Variants in LAMTOR5 observed in about 807,000 individuals in gnomAD.
LAMTOR5 encodes late endosomal/lysosomal adaptor, MAPK and MTOR activator 5.
In LAMTOR5, 8 loss-of-function variants were observed where a neutral mutation model predicts 12.1. That is an observed-to-expected ratio of 0.66 (90% confidence interval 0.39 to 1.19). The LOEUF is 1.19. LAMTOR5 is among the 50% of genes most tolerant of loss of function. The pLI, the probability that LAMTOR5 is intolerant of heterozygous loss-of-function variation, is 0.01. For missense variants in LAMTOR5, 110 were observed against 112.8 expected (o/e 0.97, Z 0.11); for synonymous variants, 37 against 41.9 (o/e 0.88, Z 0.45).
chr1:110,404,159 T>A, intron 2 of LAMTOR5, 123 bp from the exon 3 acceptor site: 1 of 1,361,326 alleles, frequency 7.3e-7, no homozygotes, highest in Non-Finnish European at 9.6e-7. Context: ...TATTAGTCTG[T>A]ATATATTATA....
At chr1:110,404,771 G>A (rs1303492102) in intron 2 of LAMTOR5, among the ~76,000 whole-genome samples, 3 of 152,098 alleles carry the variant, frequency 2.0e-5, no homozygotes, top group Admixed American at 1.3e-4. Flanking sequence ...TGATTAGGCC[G>A]GGTGTAGTGG....
chr1:110,403,156 C>A (rs751180496), intron 3 of LAMTOR5, among the ~76,000 whole-genome samples: 7 of 152,190 alleles, frequency 4.6e-5, no homozygotes, highest in Admixed American at 1.3e-4. Context: ...AACTGCCTGA[C>A]ACATTTCTCA....
chr1:110,402,581 A>T (rs534353007), intron 3 of LAMTOR5, among the ~76,000 whole-genome samples: 18 of 152,260 alleles, frequency 1.2e-4, no homozygotes, highest in African/African-American at 4.3e-4. Flanking sequence ...TACTACTCCT[A>T]CTTATTAAGA....
At chr1:110,405,590 C>T (rs987603596) in intron 2 of LAMTOR5, among the ~76,000 whole-genome samples, 4 of 152,118 alleles carry the variant, frequency 2.6e-5, no homozygotes, top group Non-Finnish European at 5.9e-5. Flanking sequence ...CTTGGTCTCC[C>T]AAAGTGCTGG....
chr1:110,407,080 G>A (rs1663346722), intron 1 of LAMTOR5: 1 of 697,870 alleles, frequency 1.4e-6, no homozygotes, highest in Non-Finnish European at 2.6e-6. Context: ...GGAGGCAGGT[G>A]TCTCTCTGTA....
intron 3 of LAMTOR5, among the ~76,000 whole-genome samples, chr1:110,403,252 T>C (rs1663262526): frequency 6.6e-6 from 1 of 152,180 alleles, no homozygotes; most frequent in Non-Finnish European, 1.5e-5. Context: ...ATATATATAC[T>C]TTTTTTCACA....
intron 2 of LAMTOR5, 152 bp from the exon 3 acceptor site, chr1:110,404,188 C>A: frequency 8.5e-7 from 1 of 1,182,040 alleles, no homozygotes; most frequent in Non-Finnish European, 1.1e-6. Flanking sequence ...ATCTCGGGTA[C>A]AAAAGTACCT....
chr1:110,407,838 C>T (rs1301916904), upstream of LAMTOR5: 2 of 1,613,894 alleles, frequency 1.2e-6, no homozygotes, highest in Admixed American at 1.7e-5. Context: ...CGCGCGGTGA[C>T]CGTCGAGGTG....
In LAMTOR5 at chr1:110,407,665, G is replaced by C. The variant is rs372876161; in HGVS notation, c.-45C>G. On this transcript the variant is annotated 5_prime_UTR_variant, in exon 1 of 4. Transcript: ENST00000602318. ...GGCTCAGAACCCAGCGGCACGGCAC[G>C]TCCTTCTCCACCACAGGCCTCAGTC... 4.3e-6 allele frequency: 7 copies of C among 1,614,076 alleles called. No individual in the cohort carries two copies. The highest frequency in any genetic ancestry group is 5.9e-6 in the Non-Finnish European group (7 of 1,180,040).
Position 110,401,456 on chromosome 1 carries a change from C to T in LAMTOR5, c.*67G>A. ...CCTAACTACTGGAACTTTAGTAGTTCTATAAGGTAATTAACATAGGTAGGA... is the reference window on the plus strand; with the variant it reads ...CCTAACTACTGGAACTTTAGTAGTTTTATAAGGTAATTAACATAGGTAGGA... On this transcript the variant is annotated 3_prime_UTR_variant, in exon 4 of 4. Transcript: ENST00000602318. 1.3e-6 allele frequency: 2 copies of T among 1,536,700 alleles called. No homozygotes were observed. Among genetic ancestry groups the T allele is most frequent in the South Asian group, 2.4e-5 (2 of 83,494 alleles).
Position 110,406,830 on chromosome 1 carries a change from G to T in LAMTOR5, c.36-451C>A, listed in dbSNP as rs1663340409. On this transcript the variant is annotated intron_variant, in intron 1 of 3. Transcript: ENST00000602318. ...CGAGCGAAATTCCGTCTCAAAAAAAGAACACAAAAAATTTAAGTTCTAGTT... is the reference window on the plus strand; with the variant it reads ...CGAGCGAAATTCCGTCTCAAAAAAATAACACAAAAAATTTAAGTTCTAGTT... 1.8e-5 allele frequency: 8 copies of T among 434,258 alleles called. No homozygotes were observed. The South Asian group carries it at 4.1e-4, about 22-fold the overall frequency. The allele number at this position is 434,258 out of a possible 1,614,324, so 26.9% of individuals were successfully genotyped here.
At chr1:110,406,785 T>C (rs989527368) in intron 1 of LAMTOR5, 15 of 391,784 alleles carry the variant, frequency 3.8e-5, no homozygotes, top group Non-Finnish European at 6.4e-5. Flanking sequence ...GATCACGCCA[T>C]TGCACTCCAG....
chr1:110,402,508 A>G (rs1281268276), intron 3 of LAMTOR5, among the ~76,000 whole-genome samples: 3 of 152,170 alleles, frequency 2.0e-5, no homozygotes, highest in Admixed American at 2.0e-4. Context: ...GGCCTCCCAA[A>G]GTGCTGGGAT....
At chr1:110,404,343 T>C (rs1174147157) in intron 2 of LAMTOR5, among the ~76,000 whole-genome samples, 1 of 152,238 alleles carries the variant, frequency 6.6e-6, no homozygotes, top group Non-Finnish European at 1.5e-5. Context: ...GTACTATTAC[T>C]ATACAAAACA....
intron 1 of LAMTOR5, 98 bp downstream of exon 1, chr1:110,407,483 TCCCCG>T: frequency 7.1e-7 from 1 of 1,399,348 alleles, no homozygotes; most frequent in Non-Finnish European, 9.6e-7. Flanking sequence ...TCGCGCGACG[TCCCCG>T]AGACGCCCTG....
At chr1:110,407,313 G>A (rs574169437) in intron 1 of LAMTOR5, 37 of 589,056 alleles carry the variant, frequency 6.3e-5, no homozygotes, top group African/African-American at 5.0e-4. Flanking sequence ...CCGTAAAGAC[G>A]ATTTCAACAA....
At position 110,402,087 on chromosome 1, in the gene LAMTOR5, C is replaced by T. The variant is rs114611068; in HGVS notation, c.216-504G>A. The stretch of plus-strand genomic sequence containing the variant: ...TCCTATTGCCTAGTGACCTTTTAAC[C>T]GTCCCAGCATCACATAGCACAACAC... On this transcript the variant is annotated intron_variant, in intron 3 of 3. Transcript: ENST00000602318. Among the ~76,000 whole-genome samples the T allele has an allele frequency of 2.1e-3, 314 of 152,230 alleles. 3 individuals are homozygous for T. The highest frequency in any genetic ancestry group is 7.0e-3 in the African/African-American group (291 of 41,534).
chr1:110,406,180 G>T (rs1663324109), intron 2 of LAMTOR5, 138 bp downstream of exon 2: 1 of 482,746 alleles, frequency 2.1e-6, no homozygotes, highest in Admixed American at 4.1e-5. Flanking sequence ...GTTATTTGGA[G>T]ATAATCTCTA....
intron 3 of LAMTOR5, among the ~76,000 whole-genome samples, chr1:110,402,832 G>T (rs1248248234): frequency 3.3e-5 from 5 of 152,158 alleles, no homozygotes; most frequent in African/African-American, 7.2e-5. Flanking sequence ...TTTAAAAAAA[G>T]AATTTTTGTA....
Sources: allele counts gnomAD v4.1 joint callset (sites outside exome capture counted in the v4.1 genomes callset), GRCh38; gene constraint gnomAD v4.1.1; transcripts MANE v1.5; gene names NCBI Gene and HGNC (gene_info 2026-07-23, HGNC 2026-07-21).